The following CDPF1 variants were observed in gnomAD, a reference collection of about 807,000 sequenced individuals.
The protein encoded by CDPF1 is cysteine rich DPF motif domain containing 1, also known as cysteine-rich DPF motif domain-containing protein 1.
Under a neutral mutation model 8.3 loss-of-function variants are expected in CDPF1, and 8 were observed. The ratio of observed to expected loss-of-function variants is 0.96; its 90% CI spans 0.57 to 1.74. The LOEUF (loss-of-function observed/expected upper bound fraction) is 1.74, where lower values mean the gene tolerates loss of function less well. CDPF1 is among the 40% of genes most tolerant of loss of function. CDPF1 has a pLI of 0.00. For missense variants in CDPF1, 151 were observed against 155.3 expected (o/e 0.97, Z 0.15); for synonymous variants, 62 against 62.9 (o/e 0.99, Z 0.07).
rs979955672 is a variant in CDPF1 at position 46,248,551 on chromosome 22, T to C, written c.1-267A>G. 2.0e-5 allele frequency among the ~76,000 whole-genome samples: 3 copies of C among 152,232 alleles called. No homozygotes were observed. The highest frequency in any genetic ancestry group is 1.9e-4 in the East Asian group (1 of 5,208). On this transcript the variant is annotated intron_variant, in intron 1 of 3. Transcript: ENST00000314567. The surrounding 1 kb of genome is among the most constrained non-coding windows in gnomAD (Gnocchi z 4.1). ...TCAAGCCAGAGCACCCATCTCTTCTTCCAGGTCTGCACCACGGTAAAAGCG... is the reference window on the plus strand; with the variant it reads ...TCAAGCCAGAGCACCCATCTCTTCTCCCAGGTCTGCACCACGGTAAAAGCG...
rs750087751 is a variant in CDPF1, at chr22:46,244,371, C to G, written c.*721G>C. 2.6e-5 allele frequency: 4 copies of G among 152,112 alleles called. No individual in the cohort carries two copies. The highest frequency in any genetic ancestry group is 2.0e-4 in the Admixed American group (3 of 15,254). 9.4% of individuals were successfully genotyped at this position (152,112 alleles called of 1,614,324 possible). Reference sequence around the variant, plus strand: ...TCGAGGGAGACAGAACGGAGGGGCCCGAGCTGAAGACAGAGTCTGAGGGAA... The same window carrying G: ...TCGAGGGAGACAGAACGGAGGGGCCGGAGCTGAAGACAGAGTCTGAGGGAA... On this transcript the variant is annotated 3_prime_UTR_variant, in exon 4 of 4. Transcript: ENST00000314567. The surrounding 1 kb of genome is among the most constrained non-coding windows in gnomAD (Gnocchi z 6.7).
In CDPF1 at chr22:46,245,793, GC is replaced by G. The variant is rs1426180935; in HGVS notation, c.226-556del. Among the ~76,000 whole-genome samples, 1 of 152,212 alleles carries G rather than the reference GC, an allele frequency of 6.6e-6. No homozygotes were observed. The highest frequency in any genetic ancestry group is 1.5e-5 in the Non-Finnish European group (1 of 68,026). On this transcript the variant is annotated intron_variant, in intron 3 of 3. Transcript: ENST00000314567. The surrounding 1 kb of genome is among the most constrained non-coding windows in gnomAD (Gnocchi z 6.9). ...ACGTGGCTAAGGATGACATTCCCCAGCCCCCTCTGTAACTGGGCATCGCCAT... is the reference window on the plus strand; with the variant it reads ...ACGTGGCTAAGGATGACATTCCCCAGCCCCTCTGTAACTGGGCATCGCCAT...
In CDPF1 at chr22:46,248,407, C is replaced by T. The variant is rs1569266552; in HGVS notation, c.1-123G>A. On this transcript the variant is annotated intron_variant, in intron 1 of 3. Transcript: ENST00000314567. This position sits in a 1 kb window ranked among gnomAD's most constrained non-coding sequence, Gnocchi z 4.1. Reference sequence around the variant, plus strand: ...ACAGTTTCTTGCCTCCCTACCGTACCCTTTTCTCTATCCCCAGCTGAAACA... The same window carrying T: ...ACAGTTTCTTGCCTCCCTACCGTACTCTTTTCTCTATCCCCAGCTGAAACA... The T allele has an allele frequency of 3.3e-6, 2 of 604,892 alleles. No homozygotes were observed. The highest frequency in any genetic ancestry group is 2.8e-5 in the East Asian group (1 of 35,646). The allele number at this position is 604,892 out of a possible 1,614,324, so 37.5% of individuals were successfully genotyped here.
In CDPF1 at chr22:46,244,693, C is replaced by A; in HGVS notation, c.*399G>T. The A allele has an allele frequency of 1.0e-5, 2 of 200,068 alleles. No individual in the cohort carries two copies. The highest frequency in any genetic ancestry group is 2.1e-5 in the Non-Finnish European group (2 of 97,018). 12.4% of individuals were successfully genotyped at this position (200,068 alleles called of 1,614,324 possible). ...CCTTACAGAGAGACCATTGCAGCCA[C>A]CTACAGTGCACCATGGCCCCGACAC... is the stretch of plus-strand genomic sequence containing the variant. On this transcript the variant is annotated 3_prime_UTR_variant, in exon 4 of 4. Coordinates refer to ENST00000314567, the MANE Select transcript of CDPF1 (RefSeq NM_207327.5). The surrounding 1 kb of genome is among the most constrained non-coding windows in gnomAD (Gnocchi z 6.7).
rs975480197 is a variant in CDPF1, at chr22:46,248,973, C to A, written c.1-689G>T. Among the ~76,000 whole-genome samples, 1 of 151,912 alleles carries A rather than the reference C, an allele frequency of 6.6e-6. No homozygotes were observed. The highest frequency in any genetic ancestry group is 1.5e-5 in the Non-Finnish European group (1 of 67,990). On this transcript the variant is annotated intron_variant, in intron 1 of 3. Coordinates refer to ENST00000314567, the MANE Select transcript of CDPF1 (RefSeq NM_207327.5). This position sits in a 1 kb window ranked among gnomAD's most constrained non-coding sequence, Gnocchi z 4.1. ...GACGGAGCTTGCAGTGAGCCGAGAT[C>A]GCGTCACTGCACTCCAGCCTGGGAG...
In CDPF1 at chr22:46,246,766, C is replaced by T; in HGVS notation, c.225+344G>A. 1 of 1,601,186 alleles carries T rather than the reference C, an allele frequency of 6.2e-7. No homozygotes were observed. Among genetic ancestry groups the T allele is most frequent in the Non-Finnish European group, 8.5e-7 (1 of 1,174,458 alleles). ...CAACAAGTGCTCATGAAAGGACAGTCCCTTCTCCTGGAGATCCCTCCAAGA... is the reference window on the plus strand; with the variant it reads ...CAACAAGTGCTCATGAAAGGACAGTTCCTTCTCCTGGAGATCCCTCCAAGA... On this transcript the variant is annotated intron_variant, in intron 3 of 3. Coordinates refer to ENST00000314567, the MANE Select transcript of CDPF1 (RefSeq NM_207327.5). This position sits in a 1 kb window ranked among gnomAD's most constrained non-coding sequence, Gnocchi z 7.1.
Position 46,247,096 on chromosome 22 carries a change from C to A in CDPF1, c.225+14G>T, listed in dbSNP as rs781558038. The A allele has an allele frequency of 1.7e-5, 27 of 1,602,252 alleles. No homozygotes were observed. The African/African-American group carries it at 2.1e-4, about 13-fold the overall frequency. Reference sequence around the variant, plus strand: ...AGCAAGGACAGGTGGCCCCAGCCCACGCTGCTTACCCACCGGGCCCACACA... The same window carrying A: ...AGCAAGGACAGGTGGCCCCAGCCCAAGCTGCTTACCCACCGGGCCCACACA... On this transcript the variant is annotated intron_variant, in intron 3 of 3. Coordinates refer to ENST00000314567, the MANE Select transcript of CDPF1 (RefSeq NM_207327.5). This position sits in a 1 kb window ranked among gnomAD's most constrained non-coding sequence, Gnocchi z 4.3.
In CDPF1 at chr22:46,246,560, C is replaced by A; in HGVS notation, c.225+550G>T. 1 of 1,318,472 alleles carries A rather than the reference C, an allele frequency of 7.6e-7. No homozygotes were observed. The highest frequency in any genetic ancestry group is 1.5e-5 in the South Asian group (1 of 68,138). 81.7% of individuals were successfully genotyped at this position (1,318,472 alleles called of 1,614,324 possible). ...GGCACGCTGTGAAAGCCATGCTGCT[C>A]CACTTCCATCCGTCCTTGGGTTTAC... On this transcript the variant is annotated intron_variant, in intron 3 of 3. Coordinates refer to ENST00000314567, the MANE Select transcript of CDPF1 (RefSeq NM_207327.5). This position sits in a 1 kb window ranked among gnomAD's most constrained non-coding sequence, Gnocchi z 7.1.
Position 46,246,942 on chromosome 22 carries a change from C to A in CDPF1, c.225+168G>T. 1 of 1,389,068 alleles carries A rather than the reference C, an allele frequency of 7.2e-7. No individual in the cohort carries two copies. The highest frequency in any genetic ancestry group is 9.8e-7 in the Non-Finnish European group (1 of 1,025,068). The allele number at this position is 1,389,068 out of a possible 1,614,324, so 86.0% of individuals were successfully genotyped here. On this transcript the variant is annotated intron_variant, in intron 3 of 3. Coordinates refer to ENST00000314567, the MANE Select transcript of CDPF1 (RefSeq NM_207327.5). The surrounding 1 kb of genome is among the most constrained non-coding windows in gnomAD (Gnocchi z 7.1). ...CATTCCTACACCAGGCTGAGACCCT[C>A]TAACTGACCCTAGCTTGCCCTCTCA...
chr22:46,248,213 G>T lies in CDPF1; in HGVS notation c.72C>A (p.Tyr24Ter), dbSNP rs769602029. The T allele has an allele frequency of 1.4e-5, 22 of 1,613,670 alleles. No individual in the cohort carries two copies. The highest frequency in any genetic ancestry group is 1.9e-5 in the Non-Finnish European group (22 of 1,179,850). Residue 24 changes from tyrosine (Y) to a stop codon, truncating the protein, a stop_gained, in exon 2 of 4, where the codon TAC becomes TAA. Coordinates refer to ENST00000314567, the MANE Select transcript of CDPF1 (RefSeq NM_207327.5). LOFTEE classifies it high-confidence loss of function. This position sits in a 1 kb window ranked among gnomAD's most constrained non-coding sequence, Gnocchi z 4.1. ...ECELCTLTAP[Y>*]SYVGQKPPNT... ...TGGGGGGCTTCTGTCCCACATAGCT[G>T]TACGGAGCTGTCAAGGTACAGAGTT... is the stretch of plus-strand genomic sequence containing the variant.
Position 46,245,511 on chromosome 22 carries a change from C to T in CDPF1, c.226-273G>A, listed in dbSNP as rs940508060. Among the ~76,000 whole-genome samples, 8 of 152,316 alleles carry T rather than the reference C, an allele frequency of 5.3e-5. No homozygotes were observed. Among genetic ancestry groups the T allele is most frequent in the East Asian group, 3.9e-4 (2 of 5,174 alleles). ...CTCTGGGGCCTGCTCTGCTCCATCA[C>T]GGGGCAGTGACAACAATGGAAAGCT... On this transcript the variant is annotated intron_variant, in intron 3 of 3. Transcript: ENST00000314567. This position sits in a 1 kb window ranked among gnomAD's most constrained non-coding sequence, Gnocchi z 6.9.
chr22:46,245,595 G>A lies in CDPF1; in HGVS notation c.226-357C>T, dbSNP rs1000732227. ...CCTCCCGTCCCAGCTATCGCAGCACGAACAGTGGCCACCTGGTGCTGGGAG... is the reference window on the plus strand; with the variant it reads ...CCTCCCGTCCCAGCTATCGCAGCACAAACAGTGGCCACCTGGTGCTGGGAG... On this transcript the variant is annotated intron_variant, in intron 3 of 3. Transcript: ENST00000314567. This position sits in a 1 kb window ranked among gnomAD's most constrained non-coding sequence, Gnocchi z 6.9. 3.3e-5 allele frequency among the ~76,000 whole-genome samples: 5 copies of A among 152,346 alleles called. No homozygotes were observed. The highest frequency in any genetic ancestry group is 1.9e-4 in the East Asian group (1 of 5,180).
rs1601845102 is a variant in CDPF1 at position 46,244,437 on chromosome 22, C to T, written c.*655G>A. ...GCCAGCACTCAGCTTCCCAGGAGAC[C>T]CCAACTATTGCCGGGCCAAGTGTCC... is the stretch of plus-strand genomic sequence containing the variant. On this transcript the variant is annotated 3_prime_UTR_variant, in exon 4 of 4. Transcript: ENST00000314567. This position sits in a 1 kb window ranked among gnomAD's most constrained non-coding sequence, Gnocchi z 6.7. 6.6e-6 allele frequency: 1 copy of T among 152,104 alleles called. No individual in the cohort carries two copies. Among genetic ancestry groups the T allele is most frequent in the South Asian group, 2.1e-4 (1 of 4,750 alleles). 9.4% of individuals were successfully genotyped at this position (152,104 alleles called of 1,614,324 possible). A position where few individuals can be genotyped will look rare whatever the true frequency, so the allele number is the denominator to read the frequency against.
At position 46,247,289 on chromosome 22, in the gene CDPF1, A is replaced by G. The variant is rs1936506612; in HGVS notation, c.114-68T>C. On this transcript the variant is annotated intron_variant, in intron 2 of 3. Coordinates refer to ENST00000314567, the MANE Select transcript of CDPF1 (RefSeq NM_207327.5). The surrounding 1 kb of genome is among the most constrained non-coding windows in gnomAD (Gnocchi z 4.3). ...GCCGTCGGAAAATCAGCCATGACCT[A>G]TGGCCAGGCAGCAGCAGCCTGCACC... is the stretch of plus-strand genomic sequence containing the variant. 2.8e-6 allele frequency: 3 copies of G among 1,083,688 alleles called. No individual in the cohort carries two copies. Among genetic ancestry groups the G allele is most frequent in the Non-Finnish European group, 2.8e-6 (2 of 717,008 alleles). 67.1% of individuals were successfully genotyped at this position (1,083,688 alleles called of 1,614,324 possible).
chr22:46,246,717 G>C lies in CDPF1; in HGVS notation c.225+393C>G, dbSNP rs768585706. 2.1e-5 allele frequency: 33 copies of C among 1,598,934 alleles called. No homozygotes were observed. Among genetic ancestry groups the C allele is most frequent in the Non-Finnish European group, 2.8e-5 (33 of 1,173,222 alleles). ...GAATGAAGCCTCAGCAGTAAAACAG[G>C]TCCCAAGCACAGGACCTGGCACACA... On this transcript the variant is annotated intron_variant, in intron 3 of 3. Coordinates refer to ENST00000314567, the MANE Select transcript of CDPF1 (RefSeq NM_207327.5). This position sits in a 1 kb window ranked among gnomAD's most constrained non-coding sequence, Gnocchi z 7.1.
Position 46,246,119 on chromosome 22 carries a change from T to C in CDPF1, c.226-881A>G, listed in dbSNP as rs759705562. Reference sequence around the variant, plus strand: ...TGTCTGTTCTTAAAGCTTAGTGTGCTCGCAAACATAAGGCTGCCCTCCTGC... The same window carrying C: ...TGTCTGTTCTTAAAGCTTAGTGTGCCCGCAAACATAAGGCTGCCCTCCTGC... On this transcript the variant is annotated intron_variant, in intron 3 of 3. Coordinates refer to ENST00000314567, the MANE Select transcript of CDPF1 (RefSeq NM_207327.5). This position sits in a 1 kb window ranked among gnomAD's most constrained non-coding sequence, Gnocchi z 7.1. Among the ~76,000 whole-genome samples, 1 of 152,194 alleles carries C rather than the reference T, an allele frequency of 6.6e-6. No individual in the cohort carries two copies. The highest frequency in any genetic ancestry group is 1.5e-5 in the Non-Finnish European group (1 of 68,034).
chr22:46,247,183 G>A lies in CDPF1; in HGVS notation c.152C>T (p.Thr51Ile), dbSNP rs778065748. The stretch of plus-strand genomic sequence containing the variant: ...GACCAGGAATCTGTCCTTGTCGGAG[G>A]TGAAGGGATCCTTCATGACATAGCT... ...EESYVMKDPFTSDKDRFLVLG... is the reference protein window; with the variant it reads ...EESYVMKDPFISDKDRFLVLG... The change falls in exon 3 of 4, where the codon ACC (threonine) becomes ATC (isoleucine). Residue 51 changes from threonine to isoleucine, a missense_variant. Thr to Ile is a moderately conservative substitution (Grantham distance 89, BLOSUM62 -1). Transcript: ENST00000314567. The surrounding 1 kb of genome is among the most constrained non-coding windows in gnomAD (Gnocchi z 4.3). 2 of 1,613,968 alleles carry A rather than the reference G, an allele frequency of 1.2e-6. No homozygotes were observed. Among genetic ancestry groups the A allele is most frequent in the African/African-American group, 1.3e-5 (1 of 74,926 alleles).
In CDPF1 at chr22:46,245,288, G is replaced by T; in HGVS notation, c.226-50C>A. 6.3e-7 allele frequency: 1 copy of T among 1,597,316 alleles called. No homozygotes were observed. Among genetic ancestry groups the T allele is most frequent in the Non-Finnish European group, 8.6e-7 (1 of 1,168,438 alleles). ...GGCTTGAGTATCCTGGGAACATGGTGCAGCTCCTCCCAGGGGCCAGCCCTT... is the reference window on the plus strand; with the variant it reads ...GGCTTGAGTATCCTGGGAACATGGTTCAGCTCCTCCCAGGGGCCAGCCCTT... On this transcript the variant is annotated intron_variant, in intron 3 of 3. Transcript: ENST00000314567. This position sits in a 1 kb window ranked among gnomAD's most constrained non-coding sequence, Gnocchi z 6.9.
In CDPF1 at chr22:46,245,174, A is replaced by G. The variant is rs1159707328; in HGVS notation, c.290T>C (p.Phe97Ser). 5 of 1,614,114 alleles carry G rather than the reference A, an allele frequency of 3.1e-6. No individual in the cohort carries two copies. The highest frequency in any genetic ancestry group is 4.2e-6 in the Non-Finnish European group (5 of 1,180,036). ...CAAGTCTTGCCGAATTTCCTGAGGA[A>G]AAGCATTGATGTTCTCCCGGACACA... ...LPCVRENINA[F>S]PQEIRQDLEK... Residue 97 changes from phenylalanine (F) to serine (S), a missense_variant, in exon 4 of 4, where the codon TTT becomes TCT. Coordinates refer to ENST00000314567, the MANE Select transcript of CDPF1 (RefSeq NM_207327.5). The surrounding 1 kb of genome is among the most constrained non-coding windows in gnomAD (Gnocchi z 6.9).
Sources: allele counts gnomAD v4.1 joint callset (sites outside exome capture counted in the v4.1 genomes callset), GRCh38; gene constraint gnomAD v4.1.1; non-coding constraint Gnocchi (gnomAD v3.1); transcripts MANE v1.5; gene names NCBI Gene and HGNC (gene_info 2026-07-23, HGNC 2026-07-21).